TAPBPL: variants seen among roughly 807,000 people sequenced by gnomAD.
TAPBPL encodes the protein tapasin-related protein.
TAPBPL carries 32 observed loss-of-function variants against 44.8 expected under a neutral mutation model. The observed-to-expected ratio is 0.71, with a 90% CI of 0.54 to 0.96. TAPBPL has a LOEUF of 0.96. TAPBPL is among the 40% of genes least tolerant of loss of function. The probability of loss-of-function intolerance (pLI) is 0.00; values close to 1 mark genes in which losing one functional copy is unlikely to be tolerated. For missense variants in TAPBPL, 520 were observed against 586.6 expected (o/e 0.89, Z 1.17); for synonymous variants, 230 against 240.7 (o/e 0.96, Z 0.41).
downstream of TAPBPL, among the ~76,000 whole-genome samples, chr12:6,471,144 C>T (rs1468019894): frequency 6.6e-6 from 1 of 152,206 alleles, no homozygotes; most frequent in Non-Finnish European, 1.5e-5. This position sits in a 1 kb window ranked among gnomAD's most constrained non-coding sequence, Gnocchi z 4.0. Context: ...ACCGCCCCGC[C>T]TCTAACTAAC....
chr12:6,464,865 C>A (rs749347812), downstream of TAPBPL: 8 of 1,613,968 alleles, frequency 5.0e-6, no homozygotes, highest in South Asian at 7.7e-5. Context: ...CTCTTCACCC[C>A]ACCAGCAACT....
At position 6,458,785 on chromosome 12, in the gene TAPBPL, G is replaced by A. The variant is rs1171750302; in HGVS notation, c.1045G>A (p.Gly349Ser). 6.2e-6 allele frequency: 10 copies of A among 1,613,978 alleles called. No individual in the cohort carries two copies. Among genetic ancestry groups the A allele is most frequent in the African/African-American group, 1.3e-5 (1 of 74,896 alleles). Reference protein sequence around the residue: ...ELGGSPAQVSGASFSSLRQSV... With the variant: ...ELGGSPAQVSSASFSSLRQSV... Reference sequence around the variant, plus strand: ...GGGTGGATCCCCAGCCCAAGTCTCTGGTGCCTCCTTCTCCAGCCTCAGGCA... The same window carrying A: ...GGGTGGATCCCCAGCCCAAGTCTCTAGTGCCTCCTTCTCCAGCCTCAGGCA... Residue 349 changes from glycine to serine, a missense_variant, in exon 5 of 7, where the codon GGT (glycine) becomes AGT (serine). Gly to Ser is a moderately conservative substitution (Grantham distance 56). Transcript: ENST00000266556.
At position 6,453,050 on chromosome 12, in the gene TAPBPL, C is replaced by T; in HGVS notation, c.65-17C>T. 1 of 1,559,272 alleles carries T rather than the reference C, an allele frequency of 6.4e-7. No individual in the cohort carries two copies. Among genetic ancestry groups the T allele is most frequent in the Non-Finnish European group, 8.7e-7 (1 of 1,151,652 alleles). On this transcript the variant is annotated splice_polypyrimidine_tract_variant and intron_variant, in intron 1 of 6. Coordinates refer to ENST00000266556, the MANE Select transcript of TAPBPL (RefSeq NM_018009.5). This position sits in a 1 kb window ranked among gnomAD's most constrained non-coding sequence, Gnocchi z 4.8. ...CTTTCTGGGGAAGGCGGTGCTCACC[C>T]CAGCCTTTGTCTGCAGAGCCCCACC...
chr12:6,458,375 T>TAAA (rs761222808), intron 4 of TAPBPL, among the ~76,000 whole-genome samples: 5 of 134,878 alleles, frequency 3.7e-5, no homozygotes, highest in Non-Finnish European at 6.5e-5. Context: ...GACACCATCT[T>TAAA]AAAAAAAAAA....
downstream of TAPBPL, chr12:6,466,561 C>T (rs1194584401): frequency 6.4e-6 from 3 of 469,810 alleles, no homozygotes; most frequent in Non-Finnish European, 7.5e-6. Flanking sequence ...ATCCTCACCC[C>T]AAACCACTTA....
chr12:6,470,464 A>C (rs1945745000), downstream of TAPBPL: 1 of 1,610,080 alleles, frequency 6.2e-7, no homozygotes, highest in African/African-American at 1.3e-5. Context: ...TCCGTCCCGC[A>C]GAATCGGGAG....
At chr12:6,452,625 G>A in intron 1 of TAPBPL, 1 of 1,298,230 alleles carries the variant, frequency 7.7e-7, no homozygotes, top group Non-Finnish European at 9.8e-7. Context: ...CCCAGGTGAG[G>A]AAATCACTTG....
At chr12:6,452,566 A>T in intron 1 of TAPBPL, 1 of 1,380,966 alleles carries the variant, frequency 7.2e-7, no homozygotes, top group Non-Finnish European at 9.4e-7. Flanking sequence ...ACTGTCCTAC[A>T]GAGAGGGCAC....
downstream of TAPBPL, chr12:6,464,572 C>A (rs781268500): frequency 4.1e-6 from 6 of 1,463,880 alleles, no homozygotes; most frequent in Non-Finnish European, 4.5e-6. Context: ...AGTTACCAGA[C>A]ATTCAGGTCT....
chr12:6,463,048 T>G, downstream of TAPBPL: 1 of 1,542,954 alleles, frequency 6.5e-7, no homozygotes, highest in African/African-American at 1.4e-5. This position sits in a 1 kb window ranked among gnomAD's most constrained non-coding sequence, Gnocchi z 4.0. Flanking sequence ...CTCCTCCCCT[T>G]GCACCTGGGC....
downstream of TAPBPL, chr12:6,466,429 T>A (rs563385078): frequency 3.4e-6 from 5 of 1,487,858 alleles, no homozygotes; most frequent in East Asian, 9.3e-5. Context: ...ACACCTGTAG[T>A]CCCAGCTACT....
chr12:6,470,466 A>T, downstream of TAPBPL: 2 of 1,610,968 alleles, frequency 1.2e-6, no homozygotes, highest in South Asian at 1.1e-5. Flanking sequence ...CGTCCCGCAG[A>T]ATCGGGAGCT....
chr12:6,463,649 G>A (rs1020017896), downstream of TAPBPL: 39 of 1,089,936 alleles, frequency 3.6e-5, no homozygotes, highest in Non-Finnish European at 4.2e-5. The surrounding 1 kb of genome is among the most constrained non-coding windows in gnomAD (Gnocchi z 4.0). Flanking sequence ...CTGGGAGCTA[G>A]GTTAAATTAT....
downstream of TAPBPL, chr12:6,465,358 GTA>G (rs10623425): frequency 3.6e-4 from 53 of 146,500 alleles, no homozygotes; most frequent in Admixed American, 6.7e-4. Flanking sequence ...AAAGAAAAAA[GTA>G]TATATATATA....
Position 6,462,108 on chromosome 12 carries a change from C to T in TAPBPL, c.1366C>T (p.Leu456Phe). Reference sequence around the variant, plus strand: ...CTGTGCTGACACACAGAGCTCCCATCTCCATGAAGACCGCACAGCGCGTGT... The same window carrying T: ...CTGTGCTGACACACAGAGCTCCCATTTCCATGAAGACCGCACAGCGCGTGT... ...TSCADTQSSH[L>F]HEDRTARVSQ... The change falls in exon 7 of 7, where the codon CTC becomes TTC. Residue 456 changes from leucine to phenylalanine, a missense_variant. Coordinates refer to ENST00000266556, the MANE Select transcript of TAPBPL (RefSeq NM_018009.5). The T allele has an allele frequency of 1.2e-6, 2 of 1,613,668 alleles. No homozygotes were observed. The highest frequency in any genetic ancestry group is 1.7e-6 in the Non-Finnish European group (2 of 1,179,598).
chr12:6,458,616 T>C (rs191984618), intron 4 of TAPBPL, 29 bp from the exon 5 acceptor site: 35 of 1,608,742 alleles, frequency 2.2e-5, no homozygotes, highest in Non-Finnish European at 2.8e-5. Context: ...TAGATCCATG[T>C]GTAATCTTAT....
downstream of TAPBPL, chr12:6,464,067 A>C: frequency 7.7e-7 from 1 of 1,300,416 alleles, no homozygotes; most frequent in East Asian, 5.2e-5. Context: ...AGCTCCTACC[A>C]GTGGCCAGGT....
At chr12:6,464,706 T>C, downstream of TAPBPL, 1 of 1,507,732 alleles carries the variant, frequency 6.6e-7, no homozygotes, top group Non-Finnish European at 8.8e-7. Context: ...GGGGGAAGGC[T>C]TGTCCATCAA....
At chr12:6,468,517 T>C (rs1267781803), downstream of TAPBPL, among the ~76,000 whole-genome samples, 1 of 152,228 alleles carries the variant, frequency 6.6e-6, no homozygotes, top group African/African-American at 2.4e-5. Flanking sequence ...TCCAAGAGCA[T>C]AGACAGGAAG....
Sources: gnomAD v4.1 joint callset for allele counts (sites outside exome capture counted in the v4.1 genomes callset) on GRCh38, gnomAD v4.1.1 for gene constraint, Gnocchi (gnomAD v3.1) non-coding constraint, MANE v1.5 for transcripts, NCBI Gene and HGNC (gene_info 2026-07-23, HGNC 2026-07-21) for gene names.